The following SFPQ variants were observed in gnomAD, a reference collection of about 807,000 sequenced individuals.
The protein encoded by SFPQ is splicing factor, proline- and glutamine-rich.
A neutral mutation model predicts 72.9 loss-of-function variants in SFPQ; 11 were observed. The ratio of observed to expected loss-of-function variants is 0.15; its 90% confidence interval spans 0.09 to 0.25. SFPQ has a LOEUF of 0.25. SFPQ is among the 10% of genes least tolerant of loss of function. SFPQ has a pLI of 1.00. For missense variants in SFPQ, 847 were observed against 993.3 expected (o/e 0.85, Z 1.98); for synonymous variants, 506 against 367.3 (o/e 1.38, Z -4.32).
chr1:35,180,560 T>C (rs2148606101), downstream of SFPQ: 1 of 1,049,218 alleles, frequency 9.5e-7, no homozygotes, highest in East Asian at 5.5e-5. Flanking sequence ...CTATTCACAT[T>C]AGATTCCCAT....
downstream of SFPQ, chr1:35,182,891 G>A (rs41267245): frequency 0.058 from 61,106 of 1,045,438 alleles, 1,924 homozygotes; most frequent in Middle Eastern, 0.064. Flanking sequence ...TGTTCTAATG[G>A]AAGGGGGTTC....
chr1:35,191,211 T>TA, intron 2 of SFPQ, 130 bp downstream of exon 2: 1 of 892,970 alleles, frequency 1.1e-6, no homozygotes, highest in Non-Finnish European at 1.7e-6. Context: ...ATTTTTCCTG[T>TA]AAGAATGGTG....
downstream of SFPQ, chr1:35,179,317 GACT>G: frequency 9.4e-7 from 1 of 1,058,978 alleles, no homozygotes; most frequent in South Asian, 4.6e-5. Flanking sequence ...GGAAAAGTGA[GACT>G]ATTATGCATT....
rs906589663 is a variant in SFPQ at position 35,190,834 on chromosome 1, T to C, written c.1179A>G (p.Gln393=). 9 of 1,614,068 alleles carry C rather than the reference T, an allele frequency of 5.6e-6. No homozygotes were observed. Among genetic ancestry groups the C allele is most frequent in the Admixed American group, 1.7e-5 (1 of 60,004 alleles). The change falls in exon 3 of 10, where the codon CAA becomes CAG. Residue 393 remains glutamine (Q), a synonymous_variant. Coordinates refer to ENST00000357214, the MANE Select transcript of SFPQ (RefSeq NM_005066.3). ...CAACAGCCCTTTCAATAGGACCAAA[T>C]TGGCTAAAGGCTTCTTCCAACAGTT... ...SNELLEEAFS[Q]FGPIERAVVI... is the part of the protein sequence containing the mutation.
chr1:35,189,160 T>C lies in SFPQ; in HGVS notation c.1612+26A>G, dbSNP rs370753674. The C allele has an allele frequency of 1.4e-4, 227 of 1,613,436 alleles. No individual in the cohort carries two copies. In the Middle Eastern group the frequency reaches 2.1e-3, roughly 15 times the overall value. On this transcript the variant is annotated intron_variant, in intron 5 of 9. Coordinates refer to ENST00000357214, the MANE Select transcript of SFPQ (RefSeq NM_005066.3). ...GGTGAAAAACAATTGACCTTAGCAA[T>C]GATGTTCACGCACAGGTCTTTTTAC...
intron 2 of SFPQ, 55 bp from the exon 3 acceptor site, chr1:35,191,050 T>C (rs1639969734): frequency 6.8e-7 from 1 of 1,462,604 alleles, no homozygotes; most frequent in African/African-American, 1.4e-5. Flanking sequence ...ATGTCTACTC[T>C]TAAATTGTCA....
chr1:35,186,924 A>C, intron 9 of SFPQ, 77 bp downstream of exon 9: 3 of 1,489,750 alleles, frequency 2.0e-6, no homozygotes, highest in Non-Finnish European at 2.7e-6. Context: ...TTAAAAAAAC[A>C]AAACAAAACA....
downstream of SFPQ, chr1:35,179,242 T>C (rs773839078): frequency 9.4e-7 from 1 of 1,061,364 alleles, no homozygotes; most frequent in Non-Finnish European, 1.1e-6. Context: ...TGATTAACAA[T>C]AGGAGACATG....
downstream of SFPQ, chr1:35,180,962 T>C (rs983420438): frequency 5.1e-6 from 5 of 985,210 alleles, no homozygotes; most frequent in African/African-American, 8.7e-5. Flanking sequence ...GAATTCTGCC[T>C]GACAAATTAC....
At position 35,192,694 on chromosome 1, in the gene SFPQ, G is replaced by T. The variant is rs781020627; in HGVS notation, c.356C>A (p.Pro119His). Residue 119 changes from proline (P) to histidine (H), a missense_variant, in exon 1 of 10, where the codon CCC becomes CAC. By Grantham distance (77) the Pro-to-His change is moderately conservative (BLOSUM62 -2). Transcript: ENST00000357214. ...GGCTGGTGGTGCGCTGCCTACTCCGGGAGCGGGGCCGGGTCCCTGAGCAAC... is the reference window on the plus strand; with the variant it reads ...GGCTGGTGGTGCGCTGCCTACTCCGTGAGCGGGGCCGGGTCCCTGAGCAAC... ...PVVAQGPGPA[P>H]GVGSAPPASS... 48 of 1,440,594 alleles carry T rather than the reference G, an allele frequency of 3.3e-5. No homozygotes were observed. Among genetic ancestry groups the T allele is most frequent in the Non-Finnish European group, 4.1e-5 (45 of 1,105,308 alleles). 89.2% of individuals were successfully genotyped at this position (1,440,594 alleles called of 1,614,324 possible).
chr1:35,191,111 C>T, intron 2 of SFPQ, 116 bp from the exon 3 acceptor site: 1 of 974,540 alleles, frequency 1.0e-6, no homozygotes, highest in Non-Finnish European at 1.5e-6. Context: ...CGACCATTAC[C>T]TTTAGGCAGC....
chr1:35,181,458 A>C, downstream of SFPQ: 1 of 1,063,662 alleles, frequency 9.4e-7, no homozygotes, highest in Non-Finnish European at 1.1e-6. Flanking sequence ...TTAGTGGTAC[A>C]ATACATCTAT....
intron 4 of SFPQ, 89 bp downstream of exon 4, chr1:35,190,408 CA>C (rs2148623780): frequency 1.2e-6 from 1 of 857,714 alleles, no homozygotes; most frequent in Admixed American, 2.5e-5. Flanking sequence ...AATAATTTTG[CA>C]TATTTTAAGC....
intron 7 of SFPQ, 118 bp downstream of exon 7, chr1:35,187,855 T>C (rs1639799888): frequency 2.9e-6 from 2 of 699,148 alleles, no homozygotes; most frequent in Non-Finnish European, 5.1e-6. Context: ...TAATATACTT[T>C]GTTAGAAAAA....
intron 1 of SFPQ, 65 bp from the exon 2 acceptor site, chr1:35,191,594 G>A (rs767946626): frequency 3.9e-6 from 5 of 1,297,208 alleles, no homozygotes; most frequent in Non-Finnish European, 4.3e-6. Context: ...CCCCAAGATA[G>A]TATTTGCTTA....
At chr1:35,181,715 A>G (rs962753448), downstream of SFPQ, 3 of 1,061,038 alleles carry the variant, frequency 2.8e-6, no homozygotes, top group Admixed American at 1.1e-4. Flanking sequence ...TAAATGAAAA[A>G]AATGGCTAAA....
chr1:35,182,496 G>A (rs929587258), downstream of SFPQ: 1 of 985,390 alleles, frequency 1.0e-6, no homozygotes. Context: ...CCAGTATTTG[G>A]TGAGATGCTT....
At chr1:35,178,562 T>C, downstream of SFPQ, 1 of 1,059,514 alleles carries the variant, frequency 9.4e-7, no homozygotes, top group African/African-American at 1.6e-5. Flanking sequence ...ACCTCATTCT[T>C]TCCCATCTAA....
Position 35,192,854 on chromosome 1 carries a change from G to A in SFPQ, c.196C>T (p.His66Tyr), listed in dbSNP as rs972851728. 6.5e-7 allele frequency: 1 copy of A among 1,533,522 alleles called. No individual in the cohort carries two copies. The highest frequency in any genetic ancestry group is 8.7e-7 in the Non-Finnish European group (1 of 1,148,760). The allele number at this position is 1,533,522 out of a possible 1,614,324, so 95.0% of individuals were successfully genotyped here. ...PKPPIPPPPP[H>Y]QQQQQPPPQQ... ...GGTGGTGGCTGTTGCTGCTGTTGGT[G>A]TGGAGGCGGTGGCGGGATCGGAGGC... Residue 66 changes from histidine to tyrosine, a missense_variant, in exon 1 of 10, where the codon CAC becomes TAC. Physicochemically the swap from His to Tyr is moderately conservative, Grantham distance 83 (BLOSUM62 2). Around this residue, in one of 6 missense-constraint regions of SFPQ, gnomAD observed 498 missense variants for 405.1 expected, o/e 1.23. Coordinates refer to ENST00000357214, the MANE Select transcript of SFPQ (RefSeq NM_005066.3).
Sources: allele counts gnomAD v4.1 joint callset, GRCh38; gene constraint gnomAD v4.1.1; regional missense constraint gnomAD v4.1.1; transcripts MANE v1.5; gene names NCBI Gene and HGNC (gene_info 2026-07-23, HGNC 2026-07-21).